RSF1: variants seen among roughly 807,000 people sequenced by gnomAD.
RSF1 encodes the protein HBV pX-associated protein 8.
A neutral mutation model predicts 145.2 loss-of-function variants in RSF1; 13 were observed. The observed-to-expected ratio is 0.09, with a 90% CI of 0.06 to 0.14. The LOEUF (loss-of-function observed/expected upper bound fraction) is 0.14, where lower values mean the gene tolerates loss of function less well. Ranked by LOEUF, RSF1 falls within the 10% of genes least tolerant of loss-of-function variation. The pLI, the probability that RSF1 is intolerant of heterozygous loss-of-function variation, is 1.00. For synonymous variants in RSF1, 577 were observed against 592.6 expected (o/e 0.97, Z 0.38); for missense variants, 1,517 against 1,718.2 (o/e 0.88, Z 2.07).
rs932328806 is a variant in RSF1 at position 77,747,143 on chromosome 11, T to C, written c.280-15A>G. Reference sequence around the variant, plus strand: ...TCTTGGCATATCTGTCAGATAAAGTTAATATCTTAATACATGAAAGCAATT... The same window carrying C: ...TCTTGGCATATCTGTCAGATAAAGTCAATATCTTAATACATGAAAGCAATT... On this transcript the variant is annotated splice_polypyrimidine_tract_variant and intron_variant, in intron 2 of 15. Transcript: ENST00000308488. The C allele has an allele frequency of 5.2e-6, 8 of 1,524,740 alleles. No individual in the cohort carries two copies. In the African/African-American group the frequency reaches 1.1e-4, roughly 21 times the overall value. 94.5% of individuals were successfully genotyped at this position (1,524,740 alleles called of 1,614,324 possible).
Position 77,747,978 on chromosome 11 carries a change from C to T in RSF1, c.280-850G>A, listed in dbSNP as rs112794771. ...GCAATTCAAGGAGCAAAGAGCATAA[C>T]GAGGGCCAAAGGAGAAGAACCAACA... is the stretch of plus-strand genomic sequence containing the variant. On this transcript the variant is annotated intron_variant, in intron 2 of 15. Transcript: ENST00000308488. 5.0e-3 allele frequency among the ~76,000 whole-genome samples: 768 copies of T among 152,098 alleles called. 8 individuals are homozygous for T. Among genetic ancestry groups the T allele is most frequent in the African/African-American group, 0.018 (735 of 41,484 alleles).
chr11:77,725,542 A>C lies in RSF1; in HGVS notation c.733+3T>G. On this transcript the variant is annotated splice_donor_region_variant and intron_variant, in intron 5 of 15. Transcript: ENST00000308488. ...AAGCAAAACAAAACACACAAAAAAA[A>C]ACCTTGTTTAGGTGTTTCTTCCTCT... 6.5e-7 allele frequency: 1 copy of C among 1,538,428 alleles called. No homozygotes were observed. Among genetic ancestry groups the C allele is most frequent in the Non-Finnish European group, 8.7e-7 (1 of 1,143,462 alleles).
intron 4 of RSF1, among the ~76,000 whole-genome samples, chr11:77,740,008 A>G (rs1225025130): frequency 6.6e-6 from 1 of 152,272 alleles, no homozygotes; most frequent in Non-Finnish European, 1.5e-5. Flanking sequence ...TATGCACAGC[A>G]AATAGAATAT....
chr11:77,702,054 C>G lies in RSF1; in HGVS notation c.1175G>C (p.Ser392Thr), dbSNP rs749201254. Reference protein sequence around the residue: ...IPLKKREIKLSDDFDSPVKGP... With the variant: ...IPLKKREIKLTDDFDSPVKGP... ...CTTGACTGGACTGTCAAAATCATCA[C>G]TCAGTTTAATTTCTCGTTTTTTTAG... is the stretch of plus-strand genomic sequence containing the variant. The change falls in exon 6 of 16, where the codon AGT becomes ACT. Residue 392 changes from serine (S) to threonine (T), a missense_variant. By Grantham distance (58) the Ser-to-Thr change is moderately conservative. Transcript: ENST00000308488. The G allele has an allele frequency of 1.9e-6, 3 of 1,613,244 alleles. No homozygotes were observed. The East Asian group carries it at 6.7e-5, about 36-fold the overall frequency.
intron 1 of RSF1, among the ~76,000 whole-genome samples, chr11:77,765,675 T>C (rs895164300): frequency 2.0e-5 from 3 of 152,238 alleles, no homozygotes; most frequent in Non-Finnish European, 4.4e-5. Context: ...CTAACTATTA[T>C]TTAGGCATGG....
intron 8 of RSF1, among the ~76,000 whole-genome samples, chr11:77,692,879 T>C (rs924614938): frequency 1.3e-5 from 2 of 152,036 alleles, no homozygotes; most frequent in Non-Finnish European, 2.9e-5. Context: ...AGTTTCACCA[T>C]GTTGGCCAGG....
intron 7 of RSF1, among the ~76,000 whole-genome samples, chr11:77,697,588 C>A (rs1960313265): frequency 6.8e-6 from 1 of 146,542 alleles, no homozygotes; most frequent in Non-Finnish European, 1.5e-5. Context: ...ATTCAGGCAA[C>A]CTTTGAAGAA....
the RSF1 span, among the ~76,000 whole-genome samples, chr11:77,840,090 G>A: frequency 2.1e-5 from 2 of 96,230 alleles, no homozygotes; most frequent in African/African-American, 5.2e-5. Context: ...TGGAGAGGGG[G>A]ACAGTAAACA....
Position 77,702,054 on chromosome 11 carries a change from C to A in RSF1, c.1175G>T (p.Ser392Ile). 6.2e-7 allele frequency: 1 copy of A among 1,613,244 alleles called. No individual in the cohort carries two copies. Among genetic ancestry groups the A allele is most frequent in the Non-Finnish European group, 8.5e-7 (1 of 1,179,808 alleles). Residue 392 changes from serine to isoleucine, a missense_variant, in exon 6 of 16, where the codon AGT becomes ATT. Around this residue, in one of 12 missense-constraint regions of RSF1, gnomAD observed 579 missense variants for 553.5 expected, o/e 1.05. Transcript: ENST00000308488. ...IPLKKREIKLSDDFDSPVKGP... is the reference protein window; with the variant it reads ...IPLKKREIKLIDDFDSPVKGP... ...CTTGACTGGACTGTCAAAATCATCA[C>A]TCAGTTTAATTTCTCGTTTTTTTAG... is the stretch of plus-strand genomic sequence containing the variant.
At chr11:77,702,605 G>T in intron 5 of RSF1, 110 bp from the exon 6 acceptor site, 1 of 634,814 alleles carries the variant, frequency 1.6e-6, no homozygotes, top group Non-Finnish European at 2.3e-6. Flanking sequence ...TAAAAGAGGT[G>T]GCCTCTGTCA....
chr11:77,836,031 T>A, the RSF1 span, among the ~76,000 whole-genome samples: 1 of 152,196 alleles, frequency 6.6e-6, no homozygotes, highest in Non-Finnish European at 1.5e-5. Flanking sequence ...ACTTATTAGC[T>A]ATATAACTTG....
chr11:77,764,791 C>T, intron 1 of RSF1, 102 bp from the exon 2 acceptor site: 1 of 741,430 alleles, frequency 1.3e-6, no homozygotes, highest in East Asian at 2.8e-5. Flanking sequence ...GATACCTTCT[C>T]AAAACAGACA....
At chr11:77,833,678 T>A in the RSF1 span, among the ~76,000 whole-genome samples, 1 of 152,318 alleles carries the variant, frequency 6.6e-6, no homozygotes, top group South Asian at 2.1e-4. Flanking sequence ...CCCACTAATA[T>A]CCCCTTGTAC....
At chr11:77,719,013 T>C (rs1241529164) in intron 5 of RSF1, among the ~76,000 whole-genome samples, 1 of 151,730 alleles carries the variant, frequency 6.6e-6, no homozygotes, top group Non-Finnish European at 1.5e-5. Flanking sequence ...TGTTGGGAGA[T>C]GGGGGGGAGG....
the RSF1 span, among the ~76,000 whole-genome samples, chr11:77,858,574 C>G: frequency 6.6e-6 from 1 of 152,046 alleles, no homozygotes; most frequent in East Asian, 1.9e-4. Flanking sequence ...TCCCAGCTAG[C>G]CTTAGGGATT....
intron 1 of RSF1, among the ~76,000 whole-genome samples, chr11:77,786,206 C>A (rs1948455244): frequency 6.6e-6 from 1 of 152,006 alleles, no homozygotes; most frequent in African/African-American, 2.4e-5. Flanking sequence ...TACTACGTAC[C>A]ATCATGCTTC....
At chr11:77,744,369 G>A (rs1285952557) in intron 3 of RSF1, among the ~76,000 whole-genome samples, 1 of 151,908 alleles carries the variant, frequency 6.6e-6, no homozygotes, top group Non-Finnish European at 1.5e-5. Context: ...CTGTTACCCA[G>A]GCTGAAGTGC....
At chr11:77,756,590 G>T (rs1317614345) in intron 2 of RSF1, among the ~76,000 whole-genome samples, 1 of 152,116 alleles carries the variant, frequency 6.6e-6, no homozygotes, top group Admixed American at 6.6e-5. Context: ...TCATCATGGA[G>T]GTAGTAAAAT....
intron 15 of RSF1, among the ~76,000 whole-genome samples, chr11:77,668,016 G>T (rs538419660): frequency 6.7e-6 from 1 of 149,384 alleles, no homozygotes; most frequent in African/African-American, 2.5e-5. Flanking sequence ...TTTATTTTTT[G>T]AGATAGAGTC....
Sources: allele counts gnomAD v4.1 joint callset (sites outside exome capture counted in the v4.1 genomes callset), GRCh38; gene constraint gnomAD v4.1.1; regional missense constraint gnomAD v4.1.1; transcripts MANE v1.5; gene names NCBI Gene and HGNC (gene_info 2026-07-23, HGNC 2026-07-21).